Variants in CCDC136 observed in about 807,000 individuals in gnomAD.
CCDC136 encodes the protein coiled-coil domain-containing protein 136.
In CCDC136, 100 loss-of-function variants were observed where a neutral mutation model predicts 141.2. The ratio of observed to expected loss-of-function variants is 0.71; its 90% confidence interval spans 0.60 to 0.84. CCDC136 has a LOEUF of 0.84. CCDC136 is among the 40% of genes least tolerant of loss of function. The pLI, the probability that CCDC136 is intolerant of heterozygous loss-of-function variation, is 0.00. For missense variants in CCDC136, 1,206 were observed against 1,379.4 expected (o/e 0.87, Z 1.99); for synonymous variants, 474 against 531.9 (o/e 0.89, Z 1.50).
intron 14 of CCDC136, 87 bp from the exon 15 acceptor site, chr7:128,814,551 C>A: frequency 1.9e-6 from 2 of 1,049,456 alleles, no homozygotes; most frequent in Non-Finnish European, 2.7e-6. Context: ...ACAGTGACCC[C>A]CAAGCAGGGC....
chr7:128,820,054 G>A (rs1229648387), intron 17 of CCDC136, among the ~76,000 whole-genome samples: 1 of 152,094 alleles, frequency 6.6e-6, no homozygotes, highest in Non-Finnish European at 1.5e-5. Flanking sequence ...ATAAGGTTTT[G>A]TGTGTATGTG....
In CCDC136 at chr7:128,796,739, A is replaced by ATATATATATATTTTTTTTT; in HGVS notation, c.346+1972_346+1973insATATATATATTTTTTTTTT. Reference sequence around the variant, plus strand: ...TGATTCAGAATATATATATATATATATTCTTTTTTTTTTTTTTTTTGAGAC... The same window carrying ATATATATATATTTTTTTTT: ...TGATTCAGAATATATATATATATATATATATATATATTTTTTTTTTTCTTTTTTTTTTTTTTTTTGAGAC... On this transcript the variant is annotated intron_variant, in intron 3 of 17. Coordinates refer to ENST00000297788, the MANE Select transcript of CCDC136 (RefSeq NM_022742.5). 2.0e-4 allele frequency among the ~76,000 whole-genome samples: 23 copies of ATATATATATATTTTTTTTT among 113,372 alleles called. 1 individual carries two copies. Among genetic ancestry groups the ATATATATATATTTTTTTTT allele is most frequent in the African/African-American group, 1.0e-3 (22 of 21,788 alleles). 74.4% of individuals were successfully genotyped at this position (113,372 alleles called of 152,430 possible).
At chr7:128,796,835 G>A (rs546616915) in intron 3 of CCDC136, among the ~76,000 whole-genome samples, 278 of 143,952 alleles carry the variant, frequency 1.9e-3, no homozygotes, top group Non-Finnish European at 2.4e-3. Context: ...TCCGCCTCCC[G>A]GGTTCACGCC....
At chr7:128,793,538 G>A (rs533559703) in intron 1 of CCDC136, among the ~76,000 whole-genome samples, 3 of 152,254 alleles carry the variant, frequency 2.0e-5, no homozygotes, top group East Asian at 1.9e-4. Context: ...ACCTGCTGAC[G>A]GGCAATGTTT....
chr7:128,818,768 C>T (rs781570677), intron 17 of CCDC136, among the ~76,000 whole-genome samples: 2 of 152,170 alleles, frequency 1.3e-5, no homozygotes, highest in African/African-American at 2.4e-5. Context: ...TGTGGTCTTA[C>T]GGCCTAAGGT....
chr7:128,794,235 C>G lies in CCDC136; in HGVS notation c.17-113C>G, dbSNP rs1585045773. 1.4e-6 allele frequency: 2 copies of G among 1,448,338 alleles called. No individual in the cohort carries two copies. The highest frequency in any genetic ancestry group is 1.4e-5 in the African/African-American group (1 of 70,990). 89.7% of individuals were successfully genotyped at this position (1,448,338 alleles called of 1,614,324 possible). A position where few individuals can be genotyped will look rare whatever the true frequency, so the allele number is the denominator to read the frequency against. ...TGCCCCGGGGCTCCTTGGGGGACACCAGGTGGCACTAGTATGTCATCTCTG... is the reference window on the plus strand; with the variant it reads ...TGCCCCGGGGCTCCTTGGGGGACACGAGGTGGCACTAGTATGTCATCTCTG... On this transcript the variant is annotated intron_variant, in intron 1 of 17. Transcript: ENST00000297788. The surrounding 1 kb of genome is among the most constrained non-coding windows in gnomAD (Gnocchi z 4.3).
chr7:128,801,204 G>A lies in CCDC136; in HGVS notation c.365G>A (p.Arg122Gln), dbSNP rs775079035. Residue 122 changes from arginine (R) to glutamine (Q), a missense_variant, in exon 4 of 18, where the codon CGG (arginine) becomes CAG (glutamine). By Grantham distance (43) the Arg-to-Gln change is conservative. Transcript: ENST00000297788. ...TTTGCAGGTGAGCTGCGTTCTCTAC[G>A]GGAGGAGATTTCCCTGTTAGAGCAT... ...QQLQGELRSL[R>Q]EEISLLEHEK... 2.9e-5 allele frequency: 47 copies of A among 1,613,110 alleles called. No homozygotes were observed. Among genetic ancestry groups the A allele is most frequent in the South Asian group, 2.9e-4 (26 of 91,026 alleles).
intron 14 of CCDC136, among the ~76,000 whole-genome samples, chr7:128,813,608 C>T (rs1299402457): frequency 6.6e-6 from 1 of 152,300 alleles, no homozygotes; most frequent in East Asian, 1.9e-4. Context: ...CCAGTACACA[C>T]TTCAGGAGTG....
At position 128,811,423 on chromosome 7, in the gene CCDC136, G is replaced by C. The variant is rs1805691756; in HGVS notation, c.2029-377G>C. The C allele has an allele frequency of 6.6e-6, 3 of 457,714 alleles. No homozygotes were observed. In the Admixed American group the frequency reaches 7.0e-5, roughly 11 times the overall value. The allele number at this position is 457,714 out of a possible 1,614,324, so 28.4% of individuals were successfully genotyped here. ...GGGCTGATTTTAGAACTAGGGGTGG[G>C]CGAGGGGACTGAGCCTGAAGGTCAG... On this transcript the variant is annotated intron_variant, in intron 12 of 17. Transcript: ENST00000297788.
At chr7:128,804,411 A>G (rs1804519547) in intron 4 of CCDC136, among the ~76,000 whole-genome samples, 1 of 152,256 alleles carries the variant, frequency 6.6e-6, no homozygotes, top group Non-Finnish European at 1.5e-5. Context: ...AGATGAGCAC[A>G]CAGGGTAAAT....
chr7:128,806,652 G>T (rs1804884239), intron 8 of CCDC136, 36 bp from the exon 9 acceptor site: 1 of 1,585,902 alleles, frequency 6.3e-7, no homozygotes, highest in Admixed American at 1.7e-5. Context: ...GGGTTAAGGA[G>T]CCCAAAGGCA....
intron 8 of CCDC136, 136 bp downstream of exon 8, chr7:128,806,531 C>T (rs1005071866): frequency 2.2e-5 from 23 of 1,056,842 alleles, no homozygotes; most frequent in Non-Finnish European, 2.8e-5. Flanking sequence ...TAAAGAACTC[C>T]AGCCCTGCTC....
At chr7:128,791,049 C>T (rs1802108304), upstream of CCDC136, 1 of 157,334 alleles carries the variant, frequency 6.4e-6, no homozygotes, top group African/African-American at 2.4e-5. This position sits in a 1 kb window ranked among gnomAD's most constrained non-coding sequence, Gnocchi z 7.1. Flanking sequence ...AGGAAACAGT[C>T]CCACCTCGTC....
intron 10 of CCDC136, 28 bp from the exon 11 acceptor site, chr7:128,809,422 C>A: frequency 7.0e-7 from 1 of 1,424,452 alleles, no homozygotes; most frequent in Non-Finnish European, 9.6e-7. Context: ...AGAGTAACCA[C>A]CCCCTCCACA....
At position 128,817,268 on chromosome 7, in the gene CCDC136, G is replaced by T. The variant is rs1043283406; in HGVS notation, c.3364-490G>T. On this transcript the variant is annotated intron_variant, in intron 16 of 17. Transcript: ENST00000297788. The surrounding 1 kb of genome is among the most constrained non-coding windows in gnomAD (Gnocchi z 4.6). ...CCCTTCTCCATTGTCAGTTTGTTTC[G>T]GTGCATGTTGTCTTACAATGATATC... is the stretch of plus-strand genomic sequence containing the variant. 6.6e-6 allele frequency among the ~76,000 whole-genome samples: 1 copy of T among 152,048 alleles called. No homozygotes were observed. Among genetic ancestry groups the T allele is most frequent in the Non-Finnish European group, 1.5e-5 (1 of 68,016 alleles).
intron 3 of CCDC136, 76 bp from the exon 4 acceptor site, chr7:128,801,109 CT>C: frequency 9.4e-7 from 1 of 1,064,546 alleles, no homozygotes; most frequent in Non-Finnish European, 1.4e-6. Flanking sequence ...ATAAGTCTCC[CT>C]TTAATTTTGT....
chr7:128,817,827 C>T lies in CCDC136; in HGVS notation c.3433C>T (p.Leu1145Phe). Residue 1145 changes from leucine (L) to phenylalanine (F), a missense_variant, in exon 17 of 18, where the codon CTC (leucine) becomes TTC (phenylalanine). Leu to Phe is a conservative substitution (Grantham distance 22). Coordinates refer to ENST00000297788, the MANE Select transcript of CCDC136 (RefSeq NM_022742.5). This position sits in a 1 kb window ranked among gnomAD's most constrained non-coding sequence, Gnocchi z 4.6. ...AGGCCTGGTGGTCATCTCGGCTTTG[C>T]TCTGGTGCTGGTGGGCTGAGACGTC... is the stretch of plus-strand genomic sequence containing the variant. ...LVGLVVISAL[L>F]WCWWAETSS 2 of 1,613,856 alleles carry T rather than the reference C, an allele frequency of 1.2e-6. No individual in the cohort carries two copies. The highest frequency in any genetic ancestry group is 4.5e-5 in the East Asian group (2 of 44,858).
chr7:128,811,708 G>A, intron 12 of CCDC136, 92 bp from the exon 13 acceptor site: 1 of 1,198,720 alleles, frequency 8.3e-7, no homozygotes, highest in Non-Finnish European at 1.2e-6. Context: ...CATTCTCTAA[G>A]GTGTGCTCTC....
chr7:128,812,067 G>A lies in CCDC136; in HGVS notation c.2296G>A (p.Val766Met). 6.2e-7 allele frequency: 1 copy of A among 1,614,028 alleles called. No individual in the cohort carries two copies. ...CTGTCGCAAGACTTATGATACCACTGTGGATGACAATGAGAGCTATTACAA... is the reference window on the plus strand; with the variant it reads ...CTGTCGCAAGACTTATGATACCACTATGGATGACAATGAGAGCTATTACAA... ...ENCRKTYDTT[V>M]DDNESYYKSY... is the part of the protein sequence containing the mutation. Residue 766 changes from valine (V) to methionine (M), a missense_variant, in exon 13 of 18, where the codon GTG (valine) becomes ATG (methionine). By Grantham distance (21) the Val-to-Met change is conservative (BLOSUM62 1). Transcript: ENST00000297788.
Sources: allele counts gnomAD v4.1 joint callset (sites outside exome capture counted in the v4.1 genomes callset), GRCh38; gene constraint gnomAD v4.1.1; non-coding constraint Gnocchi (gnomAD v3.1); transcripts MANE v1.5; gene names NCBI Gene and HGNC (gene_info 2026-07-23, HGNC 2026-07-21).